Variants in MALRD1 observed in about 807,000 individuals in gnomAD.
MALRD1 encodes the protein MAM and LDL receptor class A domain containing 1, also known as MAM and LDL-receptor class A domain-containing protein 1.
MALRD1 carries 247 observed loss-of-function variants against 242.1 expected under a neutral mutation model. The ratio of observed to expected loss-of-function variants is 1.02; its 90% CI spans 0.92 to 1.13. The LOEUF (loss-of-function observed/expected upper bound fraction) is 1.13, where lower values mean the gene tolerates loss of function less well. Ranked by LOEUF, MALRD1 falls within the 50% of genes most tolerant of loss-of-function variation. The probability of loss-of-function intolerance (pLI) is 0.00; values close to 1 mark genes in which losing one functional copy is unlikely to be tolerated. For synonymous variants in MALRD1, 995 were observed against 866.6 expected (o/e 1.15, Z -2.60); for missense variants, 2,989 against 2,533.1 (o/e 1.18, Z -3.86).
chr10:19,189,389 A>C (rs1322617511), intron 14 of MALRD1, among the ~76,000 whole-genome samples: 1 of 152,190 alleles, frequency 6.6e-6, no homozygotes, highest in Non-Finnish European at 1.5e-5. Flanking sequence ...AAGTATGTAA[A>C]AAAGAACTAA....
intron 33 of MALRD1, among the ~76,000 whole-genome samples, chr10:19,570,436 C>G (rs1008122727): frequency 8.6e-5 from 13 of 151,966 alleles, no homozygotes; most frequent in Admixed American, 3.3e-4. Flanking sequence ...AAACTCAAAT[C>G]TACTATAGAG....
At chr10:19,169,332 A>G (rs1291698242) in intron 13 of MALRD1, among the ~76,000 whole-genome samples, 2 of 152,216 alleles carry the variant, frequency 1.3e-5, no homozygotes, top group Non-Finnish European at 2.9e-5. Context: ...TCTGGATTTT[A>G]TACATACACA....
chr10:19,216,115 C>CTTTTTTTT lies in MALRD1; in HGVS notation c.2991+6438_2991+6439insTTTTTTTT, dbSNP rs1203339393. ...TTTCTACTTCTTTCTTTCTTTCTTT[C>CTTTTTTTT]TTTCTTTTTTTTTTTTTTTTGAGAC... On this transcript the variant is annotated intron_variant, in intron 18 of 39. Transcript: ENST00000454679. Among the ~76,000 whole-genome samples, 27 of 114,302 alleles carry CTTTTTTTT rather than the reference C, an allele frequency of 2.4e-4. No homozygotes were observed. The East Asian group carries it at 2.5e-3, about 11-fold the overall frequency. 75.0% of individuals were successfully genotyped at this position (114,302 alleles called of 152,430 possible).
intron 26 of MALRD1, among the ~76,000 whole-genome samples, chr10:19,367,855 T>C (rs1236495650): frequency 6.6e-6 from 1 of 152,146 alleles, no homozygotes; most frequent in Non-Finnish European, 1.5e-5. Context: ...CCCTGGTGAT[T>C]AGTGATGTTG....
intron 28 of MALRD1, among the ~76,000 whole-genome samples, chr10:19,410,901 G>A (rs898701754): frequency 3.3e-5 from 5 of 152,002 alleles, no homozygotes; most frequent in African/African-American, 9.7e-5. Flanking sequence ...CATAAATGTT[G>A]CCTAGTAATA....
intron 10 of MALRD1, among the ~76,000 whole-genome samples, chr10:19,141,397 T>C (rs1833537927): frequency 6.6e-6 from 1 of 152,230 alleles, no homozygotes; most frequent in South Asian, 2.1e-4. Flanking sequence ...AGATGGAAAT[T>C]ATTGCTTAAT....
intron 11 of MALRD1, among the ~76,000 whole-genome samples, chr10:19,153,521 T>C (rs1479317807): frequency 6.6e-6 from 1 of 151,952 alleles, no homozygotes; most frequent in Non-Finnish European, 1.5e-5. Context: ...TTTGAGACTC[T>C]GCTCCTACAA....
chr10:19,707,561 G>T (rs952953384), intron 38 of MALRD1, among the ~76,000 whole-genome samples: 1 of 152,202 alleles, frequency 6.6e-6, no homozygotes, highest in Admixed American at 6.5e-5. Context: ...AGACGAGTTA[G>T]ATGAGAGATG....
At chr10:19,161,427 G>A (rs1182570791) in intron 12 of MALRD1, among the ~76,000 whole-genome samples, 3 of 130,234 alleles carry the variant, frequency 2.3e-5, no homozygotes, top group Admixed American at 8.3e-5. Context: ...TGGGTGCAGC[G>A]CACCAGCGTG....
At chr10:19,595,788 C>T (rs1458923121) in intron 34 of MALRD1, among the ~76,000 whole-genome samples, 1 of 152,090 alleles carries the variant, frequency 6.6e-6, no homozygotes, top group East Asian at 1.9e-4. Context: ...GTTAGAATTT[C>T]TTCCTACCAT....
At chr10:19,409,867 C>T (rs1833201713) in intron 28 of MALRD1, among the ~76,000 whole-genome samples, 1 of 152,044 alleles carries the variant, frequency 6.6e-6, no homozygotes, top group African/African-American at 2.4e-5. Flanking sequence ...AAAAGCATCT[C>T]CATCTTCTTT....
intron 28 of MALRD1, among the ~76,000 whole-genome samples, chr10:19,433,657 C>A (rs979233487): frequency 2.0e-5 from 3 of 152,042 alleles, no homozygotes; most frequent in Admixed American, 2.0e-4. Context: ...GCTTTATTAA[C>A]TTCCAATCAT....
At chr10:19,239,578 A>G (rs117896865) in intron 18 of MALRD1, among the ~76,000 whole-genome samples, 3 of 152,012 alleles carry the variant, frequency 2.0e-5, no homozygotes, top group Non-Finnish European at 4.4e-5. Context: ...TTACAACCCA[A>G]AGTTATAGAG....
intron 32 of MALRD1, among the ~76,000 whole-genome samples, chr10:19,533,550 C>A (rs573133017): frequency 6.6e-6 from 1 of 152,132 alleles, no homozygotes; most frequent in African/African-American, 2.4e-5. Flanking sequence ...GTACAGGAAG[C>A]ATGGCACTGG....
chr10:19,430,986 A>G (rs184455674), intron 28 of MALRD1, among the ~76,000 whole-genome samples: 1 of 152,302 alleles, frequency 6.6e-6, no homozygotes, highest in African/African-American at 2.4e-5. Flanking sequence ...TCTTTAGTTA[A>G]TAAGCCATTT....
intron 2 of MALRD1, among the ~76,000 whole-genome samples, chr10:19,076,692 T>C (rs1328154842): frequency 2.0e-5 from 3 of 152,170 alleles, no homozygotes; most frequent in African/African-American, 4.8e-5. Context: ...TGCAGCCTTG[T>C]ACTGTAGTTT....
chr10:19,472,525 C>G (rs1055691004), intron 29 of MALRD1, among the ~76,000 whole-genome samples: 1 of 151,920 alleles, frequency 6.6e-6, no homozygotes, highest in African/African-American at 2.4e-5. Flanking sequence ...GTCAAGCAAT[C>G]CAGTCCTGGG....
At chr10:19,527,313 T>A (rs1249907525) in intron 31 of MALRD1, among the ~76,000 whole-genome samples, 1 of 152,192 alleles carries the variant, frequency 6.6e-6, no homozygotes, top group East Asian at 1.9e-4. Context: ...AAATTGGCCT[T>A]TTATAGTTAG....
intron 35 of MALRD1, 129 bp downstream of exon 35, chr10:19,608,031 T>A: frequency 7.9e-7 from 1 of 1,264,202 alleles, no homozygotes; most frequent in Non-Finnish European, 1.1e-6. Context: ...TATTCTTGGT[T>A]TGGGGGCAGA....
Sources: gnomAD v4.1 joint callset for allele counts (sites outside exome capture counted in the v4.1 genomes callset) on GRCh38, gnomAD v4.1.1 for gene constraint, MANE v1.5 for transcripts, NCBI Gene and HGNC (gene_info 2026-07-23, HGNC 2026-07-21) for gene names.